The following NPHP1 variants were observed in gnomAD, a reference collection of about 807,000 sequenced individuals.
NPHP1 encodes nephrocystin-1.
NPHP1 carries 70 observed loss-of-function variants against 90.4 expected under a neutral mutation model. The ratio of observed to expected loss-of-function variants is 0.77; its 90% CI spans 0.64 to 0.95. The LOEUF is 0.95. Ranked by LOEUF, NPHP1 falls within the 40% of genes least tolerant of loss-of-function variation. The pLI, the probability that NPHP1 is intolerant of heterozygous loss-of-function variation, is 0.00. For synonymous variants in NPHP1, 256 were observed against 271.7 expected, an observed-to-expected ratio of 0.94 and a Z score of 0.57; for missense variants, 764 against 795.9, an observed-to-expected ratio of 0.96 and a Z score of 0.48.
At chr2:110,196,596 C>T (rs547086561) in intron 2 of NPHP1, among the ~76,000 whole-genome samples, 8 of 152,258 alleles carry the variant, frequency 5.3e-5, no homozygotes, top group Non-Finnish European at 7.3e-5. Context: ...GTCAGTGTGG[C>T]GATTCCTCAG....
intron 16 of NPHP1, among the ~76,000 whole-genome samples, chr2:110,138,475 G>T (rs1680377983): frequency 6.6e-6 from 1 of 152,024 alleles, no homozygotes; most frequent in Non-Finnish European, 1.5e-5. Context: ...TTTTTAAACT[G>T]TCTTTTTTCA....
At chr2:110,186,580 C>T (rs896370358) in intron 2 of NPHP1, among the ~76,000 whole-genome samples, 7 of 152,174 alleles carry the variant, frequency 4.6e-5, no homozygotes, top group Non-Finnish European at 8.8e-5. Flanking sequence ...GCACCCTCAC[C>T]TGTGACACCA....
At chr2:110,137,200 A>G (rs1222963948) in intron 16 of NPHP1, among the ~76,000 whole-genome samples, 19 of 152,318 alleles carry the variant, frequency 1.2e-4, no homozygotes, top group Non-Finnish European at 2.5e-4. Flanking sequence ...CTTAAATGTT[A>G]GACCTAAAAC....
At chr2:110,155,694 C>G (rs1404776742) in intron 11 of NPHP1, among the ~76,000 whole-genome samples, 1 of 152,084 alleles carries the variant, frequency 6.6e-6, no homozygotes, top group Non-Finnish European at 1.5e-5. Flanking sequence ...CCTGTAGCCT[C>G]TTTGTTTTGG....
intron 2 of NPHP1, among the ~76,000 whole-genome samples, chr2:110,192,806 C>A (rs1684849121): frequency 6.6e-6 from 1 of 152,196 alleles, no homozygotes; most frequent in Non-Finnish European, 1.5e-5. Context: ...AACAGCTGAC[C>A]TCTCAGCAGA....
At chr2:110,154,087 A>G (rs1177212976) in intron 11 of NPHP1, among the ~76,000 whole-genome samples, 1 of 151,972 alleles carries the variant, frequency 6.6e-6, no homozygotes, top group South Asian at 2.1e-4. Flanking sequence ...CTCACATGTC[A>G]TGGGAGAATC....
chr2:110,164,835 T>G (rs891255073), intron 7 of NPHP1, 105 bp from the exon 8 acceptor site: 21 of 1,102,328 alleles, frequency 1.9e-5, no homozygotes, highest in Non-Finnish European at 2.8e-5. Context: ...GTTTTGAAAA[T>G]CTAACAGTTT....
At chr2:110,157,799 A>G (rs890795057) in intron 11 of NPHP1, among the ~76,000 whole-genome samples, 2 of 152,128 alleles carry the variant, frequency 1.3e-5, no homozygotes, top group African/African-American at 4.8e-5. Flanking sequence ...CTTTCCATGT[A>G]TAACATCACT....
intron 4 of NPHP1, among the ~76,000 whole-genome samples, chr2:110,176,871 T>A (rs13416417): frequency 0.077 from 11,769 of 152,268 alleles, 685 homozygotes; most frequent in African/African-American, 0.17. Flanking sequence ...TCCCAGCAGG[T>A]ACTTTCTGCC....
At chr2:110,196,938 A>G (rs1238751489) in intron 2 of NPHP1, among the ~76,000 whole-genome samples, 1 of 152,182 alleles carries the variant, frequency 6.6e-6, no homozygotes, top group African/African-American at 2.4e-5. Flanking sequence ...CTCATAGAAT[A>G]CTGTGCAGCC....
chr2:110,162,874 T>C (rs1012962564), intron 9 of NPHP1, among the ~76,000 whole-genome samples, 174 bp downstream of exon 9: 1 of 152,104 alleles, frequency 6.6e-6, no homozygotes, highest in African/African-American at 2.4e-5. Flanking sequence ...TGGCCTCTGA[T>C]AGGATCAGGG....
At chr2:110,201,806 AGT>A in intron 1 of NPHP1, among the ~76,000 whole-genome samples, 1 of 152,286 alleles carries the variant, frequency 6.6e-6, no homozygotes, top group South Asian at 2.1e-4. Flanking sequence ...ATATGTATAT[AGT>A]GAAATGCACA....
chr2:110,170,620 A>G (rs987048183), intron 4 of NPHP1, among the ~76,000 whole-genome samples: 6 of 152,144 alleles, frequency 3.9e-5, no homozygotes, highest in African/African-American at 1.4e-4. Flanking sequence ...CCCCATCCTC[A>G]AGGAGCTTGC....
chr2:110,168,694 G>A (rs1682894522), intron 5 of NPHP1, 141 bp from the exon 6 acceptor site: 2 of 648,158 alleles, frequency 3.1e-6, no homozygotes, highest in Non-Finnish European at 2.7e-6. Context: ...TTTATCAAAA[G>A]CTTCCCTATC....
chr2:110,153,258 A>T (rs1357971548), intron 11 of NPHP1, among the ~76,000 whole-genome samples: 1 of 152,184 alleles, frequency 6.6e-6, no homozygotes, highest in East Asian at 1.9e-4. Context: ...ACAATCTCAG[A>T]TAAAGTCTAA....
At position 110,129,280 on chromosome 2, in the gene NPHP1, A is replaced by G. The variant is rs185251179; in HGVS notation, c.1643-21T>C. On this transcript the variant is annotated intron_variant, in intron 17 of 19. Transcript: ENST00000445609. ...TAAATCTGAAATGCAAAACAACAGA[A>G]AGAATTTTATGCAAACTTCACTCAA... 1.5e-4 allele frequency: 243 copies of G among 1,589,222 alleles called. 3 individuals carry two copies. The East Asian group carries it at 5.2e-3, about 34-fold the overall frequency.
Position 110,161,662 on chromosome 2 carries a change from C to A in NPHP1, c.895G>T (p.Glu299Ter). 6.2e-7 allele frequency: 1 copy of A among 1,613,288 alleles called. No homozygotes were observed. Among genetic ancestry groups the A allele is most frequent in the Non-Finnish European group, 8.5e-7 (1 of 1,179,358 alleles). ...QFRANYFLQP[E>*]LMPSQLAFRD... ...AAGGCCAGTTGTGAAGGCATGAGCT[C>A]TGGTTGTAAGAAGTAATTTGCTCGA... is the stretch of plus-strand genomic sequence containing the variant. Residue 299 changes from glutamate (E) to a stop codon, truncating the protein, a stop_gained, in exon 10 of 20, where the codon GAG becomes TAG. Coordinates refer to ENST00000445609, the MANE Select transcript of NPHP1 (RefSeq NM_001128178.3). LOFTEE classifies it high-confidence loss of function.
intron 11 of NPHP1, among the ~76,000 whole-genome samples, chr2:110,150,663 C>CCT (rs1681397792): frequency 6.6e-6 from 1 of 151,860 alleles, no homozygotes; most frequent in African/African-American, 2.4e-5. Flanking sequence ...GATTCTCCTG[C>CCT]CTCAGCCTCC....
chr2:110,146,713 A>C lies in NPHP1; in HGVS notation c.1352+40T>G, dbSNP rs1435334662. On this transcript the variant is annotated intron_variant, in intron 14 of 19. Transcript: ENST00000445609. ...TCAAGAGTCTAAAAAATGAATTTTT[A>C]CAGAAGTATTCATTCGTTAGGAATA... The C allele has an allele frequency of 2.1e-6, 3 of 1,411,580 alleles. No homozygotes were observed. In the African/African-American group the frequency reaches 4.2e-5, roughly 20 times the overall value. 87.4% of individuals were successfully genotyped at this position (1,411,580 alleles called of 1,614,324 possible). A position where few individuals can be genotyped will look rare whatever the true frequency, so the allele number is the denominator to read the frequency against.
Sources: allele counts gnomAD v4.1 joint callset (sites outside exome capture counted in the v4.1 genomes callset), GRCh38; gene constraint gnomAD v4.1.1; transcripts MANE v1.5; gene names NCBI Gene and HGNC (gene_info 2026-07-23, HGNC 2026-07-21).